Variants in IQSEC1 observed in about 807,000 individuals in gnomAD.
IQSEC1 encodes the protein IQ motif and Sec7 domain ArfGEF 1, also known as IQ motif and SEC7 domain-containing protein 1.
A neutral mutation model predicts 91.0 loss-of-function variants in IQSEC1; 31 were observed. The observed-to-expected ratio is 0.34, with a 90% CI of 0.26 to 0.46. The LOEUF is 0.46. Ranked by LOEUF, IQSEC1 falls within the 20% of genes least tolerant of loss-of-function variation. IQSEC1 has a pLI of 1.00. For synonymous variants in IQSEC1, 699 were observed against 662.6 expected (o/e 1.05, Z -0.84); for missense variants, 1,388 against 1,575.6 (o/e 0.88, Z 2.02).
At chr3:13,054,273 C>T (rs1704798559) in intron 1 of IQSEC1, among the ~76,000 whole-genome samples, 1 of 152,240 alleles carries the variant, frequency 6.6e-6, no homozygotes, top group Non-Finnish European at 1.5e-5. Flanking sequence ...GCTATGGGTA[C>T]ACCCGGATGT....
intron 2 of IQSEC1, among the ~76,000 whole-genome samples, chr3:13,134,306 ACTC>A (rs1009237970): frequency 1.3e-5 from 2 of 151,900 alleles, no homozygotes; most frequent in Non-Finnish European, 2.9e-5. Flanking sequence ...GAAGTGAATA[ACTC>A]CTCCTACCCT....
chr3:12,974,280 G>A (rs755406862), intron 1 of IQSEC1, among the ~76,000 whole-genome samples: 44 of 152,278 alleles, frequency 2.9e-4, no homozygotes, highest in African/African-American at 8.4e-4. Context: ...CTCCAAGCCC[G>A]GATCCCCAGA....
Position 13,056,980 on chromosome 3 carries a change from A to G in IQSEC1, c.23+16012T>C, listed in dbSNP as rs376966071. 3.8e-4 allele frequency among the ~76,000 whole-genome samples: 58 copies of G among 152,172 alleles called. No homozygotes were observed. The South Asian group carries it at 0.012, about 32-fold the overall frequency. On this transcript the variant is annotated intron_variant, in intron 1 of 13. Transcript: ENST00000613206. ...CGCATACATGTTCCCCTTGTCTCTTATTCCTTACACAGAGCCCCATCTTTT... is the reference window on the plus strand; with the variant it reads ...CGCATACATGTTCCCCTTGTCTCTTGTTCCTTACACAGAGCCCCATCTTTT...
intron 1 of IQSEC1, among the ~76,000 whole-genome samples, chr3:13,183,981 G>A (rs1315259764): frequency 6.6e-6 from 1 of 152,194 alleles, no homozygotes; most frequent in Non-Finnish European, 1.5e-5. Flanking sequence ...TAAAATAATA[G>A]TCCTATATCT....
intron 1 of IQSEC1, among the ~76,000 whole-genome samples, chr3:13,046,424 C>T (rs1169934418): frequency 6.6e-6 from 1 of 152,224 alleles, no homozygotes; most frequent in Admixed American, 6.5e-5. Context: ...GATGGCCACC[C>T]CCTCGCTCCC....
chr3:12,964,438 T>G (rs185568525), intron 1 of IQSEC1, among the ~76,000 whole-genome samples: 152 of 152,230 alleles, frequency 1.0e-3, no homozygotes, highest in Admixed American at 6.5e-3. Context: ...GTCATCATAA[T>G]TCAAAGGAAA....
At chr3:13,203,174 C>G (rs1417217778) in intron 1 of IQSEC1, among the ~76,000 whole-genome samples, 1 of 151,942 alleles carries the variant, frequency 6.6e-6, no homozygotes, top group African/African-American at 2.4e-5. Context: ...TACACACACA[C>G]ACACACACAC....
chr3:13,130,868 T>C (rs1225658505), intron 2 of IQSEC1, among the ~76,000 whole-genome samples: 1 of 150,624 alleles, frequency 6.6e-6, no homozygotes, highest in Non-Finnish European at 1.5e-5. Context: ...GGTGGGAGGA[T>C]TGCTTGAGAC....
At chr3:12,954,278 A>G (rs2125438832) in intron 1 of IQSEC1, among the ~76,000 whole-genome samples, 1 of 152,304 alleles carries the variant, frequency 6.6e-6, no homozygotes, top group Non-Finnish European at 1.5e-5. Flanking sequence ...ATGAGAATGC[A>G]GGTTCCAGGA....
chr3:13,182,698 C>T (rs1329477781), intron 1 of IQSEC1, among the ~76,000 whole-genome samples: 1 of 151,938 alleles, frequency 6.6e-6, no homozygotes, highest in Non-Finnish European at 1.5e-5. Flanking sequence ...CTAAATCTCC[C>T]CAGGTCAAAG....
intron 1 of IQSEC1, among the ~76,000 whole-genome samples, chr3:12,956,634 T>A (rs1021518122): frequency 2.6e-5 from 4 of 152,344 alleles, no homozygotes; most frequent in Non-Finnish European, 5.9e-5. Flanking sequence ...TAAGAGGATG[T>A]TCTTGGGTTC....
chr3:13,098,258 G>A (rs1705998192), intron 2 of IQSEC1, among the ~76,000 whole-genome samples: 2 of 152,258 alleles, frequency 1.3e-5, no homozygotes. Flanking sequence ...GGGCAGCCTG[G>A]CAATCAATGG....
At chr3:12,925,653 C>T (rs373306395) in intron 3 of IQSEC1, among the ~76,000 whole-genome samples, 1 of 152,216 alleles carries the variant, frequency 6.6e-6, no homozygotes, top group Non-Finnish European at 1.5e-5. Context: ...GGAGACCAGA[C>T]CCCCAGAGCA....
rs112636971 is a variant in IQSEC1, at chr3:13,148,882, C to T, written c.302+15222G>A. On this transcript the variant is annotated intron_variant, in intron 2 of 15. Transcript: ENST00000648114. ...GCCCTGGAGCAGGGGCTGGCGAGAC[C>T]CCCTGAAGGGTAACCTCTCCCGCAT... Among the ~76,000 whole-genome samples, 687 of 152,372 alleles carry T rather than the reference C, an allele frequency of 4.5e-3. 7 individuals carry two copies. The highest frequency in any genetic ancestry group is 0.016 in the African/African-American group (646 of 41,584).
At chr3:13,177,306 G>T (rs1461779003) in intron 1 of IQSEC1, among the ~76,000 whole-genome samples, 1 of 152,240 alleles carries the variant, frequency 6.6e-6, no homozygotes, top group African/African-American at 2.4e-5. Context: ...GACCCCAGGA[G>T]CTGGGCCTAC....
At chr3:13,231,823 T>C (rs1345636721) in intron 1 of IQSEC1, among the ~76,000 whole-genome samples, 2 of 152,262 alleles carry the variant, frequency 1.3e-5, no homozygotes, top group Non-Finnish European at 2.9e-5. Context: ...ACTATTTTTA[T>C]TTTGAACTTG....
Position 13,120,312 on chromosome 3 carries a change from G to A in IQSEC1, c.302+43792C>T, listed in dbSNP as rs1406550019. Among the ~76,000 whole-genome samples, 3 of 152,324 alleles carry A rather than the reference G, an allele frequency of 2.0e-5. No homozygotes were observed. The South Asian group carries it at 6.2e-4, about 32-fold the overall frequency. On this transcript the variant is annotated intron_variant, in intron 2 of 15. Transcript: ENST00000648114. The stretch of plus-strand genomic sequence containing the variant: ...GCCCCCAGTTTACAAATGAGGAACT[G>A]AGGCTTGGTAGGAGGGGGCACACTC...
chr3:12,901,461 G>A lies in IQSEC1; in HGVS notation c.2867C>T (p.Ser956Phe). 6.5e-7 allele frequency: 1 copy of A among 1,549,432 alleles called. No homozygotes were observed. The highest frequency in any genetic ancestry group is 2.4e-5 in the East Asian group (1 of 40,912). Residue 956 changes from serine (S) to phenylalanine (F), a missense_variant, in exon 14 of 14, where the codon TCT (serine) becomes TTT (phenylalanine). This residue lies in a region of IQSEC1 where 329 missense variants were observed against 257.8 expected (regional missense o/e 1.28). Coordinates refer to ENST00000613206, the MANE Select transcript of IQSEC1 (RefSeq NM_001134382.3). Reference sequence around the variant, plus strand: ...GTTGGGCATAGTCTGGTGTGGGCGAGATGGACACTCTCGTGTTGATGTAGC... The same window carrying A: ...GTTGGGCATAGTCTGGTGTGGGCGAAATGGACACTCTCGTGTTGATGTAGC... ...RRATSTRECP[S>F]RPHQTMPNSS...
intron 1 of IQSEC1, among the ~76,000 whole-genome samples, chr3:13,184,829 A>G (rs967560895): frequency 3.3e-5 from 5 of 152,196 alleles, no homozygotes; most frequent in Non-Finnish European, 7.3e-5. Context: ...GAAGTGAAAA[A>G]GCAAGGGAGC....
Sources: allele counts gnomAD v4.1 joint callset (sites outside exome capture counted in the v4.1 genomes callset), GRCh38; gene constraint gnomAD v4.1.1; regional missense constraint gnomAD v4.1.1; transcripts MANE v1.5; gene names NCBI Gene and HGNC (gene_info 2026-07-23, HGNC 2026-07-21).